SGMS2: variants seen among roughly 807,000 people sequenced by gnomAD.
The protein encoded by SGMS2 is phosphatidylcholine:ceramide cholinephosphotransferase 2.
Under a neutral mutation model 43.8 loss-of-function variants are expected in SGMS2, and 21 were observed. The ratio of observed to expected loss-of-function variants is 0.48; its 90% confidence interval spans 0.34 to 0.69. The LOEUF (loss-of-function observed/expected upper bound fraction) is 0.69. Ranked by LOEUF, SGMS2 falls within the 30% of genes least tolerant of loss-of-function variation. The pLI, the probability that SGMS2 is intolerant of heterozygous loss-of-function variation, is 0.01. For synonymous variants in SGMS2, 167 were observed against 160.6 expected (o/e 1.04, Z -0.30); for missense variants, 384 against 443.2 (o/e 0.87, Z 1.20).
At chr4:107,877,913 C>CTTTTTTTTTTTTTTTTTTTTTTTTTTT (rs774442653) in intron 2 of SGMS2, among the ~76,000 whole-genome samples, 1 of 102,178 alleles carries the variant, frequency 9.8e-6, no homozygotes, top group African/African-American at 3.9e-5. Flanking sequence ...TTTTTCTTTT[C>CTTTTTTTTTTTTTTTTTTTTTTTTTTT]TTTTTTTTTT....
intron 2 of SGMS2, chr4:107,892,974 A>G (rs1730354208): frequency 6.6e-6 from 1 of 152,174 alleles, no homozygotes; most frequent in African/African-American, 2.4e-5. Flanking sequence ...TTGTTCACAC[A>G]TGATGAATGT....
At chr4:107,842,614 A>G (rs78987928) in intron 1 of SGMS2, among the ~76,000 whole-genome samples, 6,171 of 152,268 alleles carry the variant, frequency 0.041, 426 homozygotes, top group African/African-American at 0.14. Flanking sequence ...GTAGACAGTC[A>G]TGGAAACTAG....
chr4:107,908,508 A>T (rs1367141617), intron 5 of SGMS2, 57 bp from the exon 6 acceptor site: 4 of 1,533,864 alleles, frequency 2.6e-6, no homozygotes, highest in Non-Finnish European at 2.7e-6. Flanking sequence ...GACAGACTGT[A>T]ATCATTACAT....
At chr4:107,843,913 G>T (rs1354119942) in intron 1 of SGMS2, among the ~76,000 whole-genome samples, 1 of 152,148 alleles carries the variant, frequency 6.6e-6, no homozygotes, top group East Asian at 1.9e-4. Context: ...TATTTTTGGG[G>T]ACCTGGCTGT....
intron 2 of SGMS2, among the ~76,000 whole-genome samples, chr4:107,874,899 C>G (rs1439350301): frequency 6.6e-6 from 1 of 152,046 alleles, no homozygotes; most frequent in Admixed American, 6.6e-5. Context: ...CTTCCTAGAG[C>G]CAAATTTGAA....
At chr4:107,893,997 C>A (rs1280353695) in intron 2 of SGMS2, among the ~76,000 whole-genome samples, 1 of 152,176 alleles carries the variant, frequency 6.6e-6, no homozygotes, top group Admixed American at 6.5e-5. Context: ...CCCTACATAG[C>A]CTTCAGCACT....
At chr4:107,906,682 T>G (rs547086435) in intron 5 of SGMS2, among the ~76,000 whole-genome samples, 1 of 152,332 alleles carries the variant, frequency 6.6e-6, no homozygotes, top group East Asian at 1.9e-4. Flanking sequence ...TAATGAGTGG[T>G]GGGCCCAATG....
At chr4:107,868,289 C>T (rs917254308) in intron 2 of SGMS2, among the ~76,000 whole-genome samples, 1 of 152,210 alleles carries the variant, frequency 6.6e-6, no homozygotes, top group African/African-American at 2.4e-5. Context: ...TCCCAGAAAA[C>T]TCTTTTTGAC....
chr4:107,862,981 G>A (rs1338121153), intron 2 of SGMS2, among the ~76,000 whole-genome samples: 1 of 152,208 alleles, frequency 6.6e-6, no homozygotes, highest in Non-Finnish European at 1.5e-5. Flanking sequence ...TCTCGCTTAT[G>A]TGTTATAAGG....
chr4:107,899,041 A>G (rs527344731), intron 3 of SGMS2, among the ~76,000 whole-genome samples: 3 of 152,318 alleles, frequency 2.0e-5, no homozygotes, highest in South Asian at 4.1e-4. Context: ...ATACCTTCAG[A>G]TGGTCCTCAA....
intron 1 of SGMS2, among the ~76,000 whole-genome samples, chr4:107,838,802 A>C (rs1156471117): frequency 6.6e-6 from 1 of 151,672 alleles, no homozygotes; most frequent in African/African-American, 2.4e-5. Context: ...CTTTTTGCTT[A>C]TATCATCTGC....
intron 2 of SGMS2, among the ~76,000 whole-genome samples, chr4:107,881,574 C>T (rs937061617): frequency 5.7e-4 from 86 of 151,976 alleles, no homozygotes; most frequent in African/African-American, 2.0e-3. Context: ...ATGGGGTATC[C>T]ATCACTTCAA....
intron 2 of SGMS2, among the ~76,000 whole-genome samples, chr4:107,868,073 A>G (rs1436005751): frequency 1.3e-5 from 2 of 152,188 alleles, no homozygotes; most frequent in Non-Finnish European, 2.9e-5. Context: ...CATGATCACA[A>G]TGTTGATGAA....
intron 1 of SGMS2, among the ~76,000 whole-genome samples, chr4:107,830,100 A>G (rs1578491953): frequency 6.6e-6 from 1 of 152,100 alleles, no homozygotes; most frequent in African/African-American, 2.4e-5. Flanking sequence ...CTCAGTGTTT[A>G]GCTCCCACTT....
At chr4:107,894,488 CT>C (rs1214414324) in intron 2 of SGMS2, 1 of 152,196 alleles carries the variant, frequency 6.6e-6, no homozygotes, top group Non-Finnish European at 1.5e-5. Flanking sequence ...GGTGAGTCCC[CT>C]GAGCTGGTCC....
At chr4:107,838,012 G>C (rs1726290622) in intron 1 of SGMS2, among the ~76,000 whole-genome samples, 1 of 152,132 alleles carries the variant, frequency 6.6e-6, no homozygotes, top group African/African-American at 2.4e-5. Context: ...TCAGGGGTGA[G>C]ATCAGGGCCA....
intron 4 of SGMS2, among the ~76,000 whole-genome samples, chr4:107,901,142 A>G (rs17038213): frequency 0.058 from 8,779 of 152,252 alleles, 310 homozygotes; most frequent in African/African-American, 0.1. Flanking sequence ...GTGCCGTTGG[A>G]TAGCCAAGCT....
At chr4:107,881,201 A>G (rs1263937669) in intron 2 of SGMS2, among the ~76,000 whole-genome samples, 1 of 152,180 alleles carries the variant, frequency 6.6e-6, no homozygotes, top group East Asian at 1.9e-4. Context: ...AGCACCATGC[A>G]ATATACCAGA....
chr4:107,826,797 T>C (rs1725619550), intron 1 of SGMS2, among the ~76,000 whole-genome samples: 1 of 152,196 alleles, frequency 6.6e-6, no homozygotes, highest in Non-Finnish European at 1.5e-5. Context: ...CCTCGCAGAA[T>C]CTCATAAAAG....
Sources: allele counts gnomAD v4.1 joint callset (sites outside exome capture counted in the v4.1 genomes callset), GRCh38; gene constraint gnomAD v4.1.1; transcripts MANE v1.5; gene names NCBI Gene and HGNC (gene_info 2026-07-23, HGNC 2026-07-21).